Variants in AGBL4 observed in about 807,000 individuals in gnomAD.
AGBL4 encodes the protein AGBL carboxypeptidase 4.
AGBL4 carries 58 observed loss-of-function variants against 66.4 expected under a neutral mutation model. The ratio of observed to expected loss-of-function variants is 0.87; its 90% CI spans 0.71 to 1.09. The LOEUF is 1.09. AGBL4 is among the 50% of genes least tolerant of loss of function. The pLI, the probability that AGBL4 is intolerant of heterozygous loss-of-function variation, is 0.00. For synonymous variants in AGBL4, 234 were observed against 222.9 expected (o/e 1.05, Z -0.44); for missense variants, 579 against 631.0 (o/e 0.92, Z 0.88).
At chr1:49,978,669 C>A (rs1422202350) in intron 1 of AGBL4, among the ~76,000 whole-genome samples, 1 of 152,054 alleles carries the variant, frequency 6.6e-6, no homozygotes, top group African/African-American at 2.4e-5. Flanking sequence ...TACAAATGAA[C>A]ACACATATAC....
At chr1:49,850,610 G>T (rs373686023) in intron 2 of AGBL4, among the ~76,000 whole-genome samples, 1 of 152,146 alleles carries the variant, frequency 6.6e-6, no homozygotes, top group Admixed American at 6.5e-5. Flanking sequence ...CAATTGTTTG[G>T]TATAAACAAC....
At position 49,947,960 on chromosome 1, in the gene AGBL4, ATAAATATATATATT is replaced by A. The variant is rs1233096898; in HGVS notation, c.34+75789_34+75802del. On this transcript the variant is annotated intron_variant, in intron 1 of 13. Transcript: ENST00000371839. ...CTTTTGCAATAGCTGCAATATATAT[ATAAATATATATATT>A]TATAAATATATATTTATATATATAA... 1.2e-4 allele frequency among the ~76,000 whole-genome samples: 9 copies of A among 77,546 alleles called. No individual in the cohort carries two copies. In the East Asian group the frequency reaches 4.7e-3, roughly 40 times the overall value. 50.9% of individuals were successfully genotyped at this position (77,546 alleles called of 152,430 possible). A position where few individuals can be genotyped will look rare whatever the true frequency, so the allele number is the denominator to read the frequency against.
intron 3 of AGBL4, among the ~76,000 whole-genome samples, chr1:49,468,786 T>A (rs559999035): frequency 6.6e-6 from 1 of 151,914 alleles, no homozygotes; most frequent in African/African-American, 2.4e-5. Flanking sequence ...TTTGACTCCA[T>A]GAAAGTGCAT....
chr1:49,706,162 T>C (rs1261212798), intron 2 of AGBL4, among the ~76,000 whole-genome samples: 1 of 152,202 alleles, frequency 6.6e-6, no homozygotes, highest in African/African-American at 2.4e-5. Context: ...AATTCGGCTG[T>C]GAATCTGTCT....
At chr1:49,699,809 T>C (rs1318875411) in intron 2 of AGBL4, among the ~76,000 whole-genome samples, 1 of 151,904 alleles carries the variant, frequency 6.6e-6, no homozygotes, top group Admixed American at 6.6e-5. Context: ...TGACTAAACC[T>C]AGAGATCATG....
intron 5 of AGBL4, among the ~76,000 whole-genome samples, chr1:49,009,348 TA>T (rs1662171847): frequency 6.6e-6 from 1 of 151,998 alleles, no homozygotes; most frequent in Non-Finnish European, 1.5e-5. Context: ...AATCTCTGAA[TA>T]GACCAATAAC....
At chr1:48,714,871 G>A (rs1647024362) in intron 6 of AGBL4, among the ~76,000 whole-genome samples, 1 of 152,180 alleles carries the variant, frequency 6.6e-6, no homozygotes, top group Non-Finnish European at 1.5e-5. Context: ...TTTTTTAGTC[G>A]CTCATTCATC....
chr1:49,146,094 G>A (rs947045193), intron 4 of AGBL4, among the ~76,000 whole-genome samples: 6 of 152,146 alleles, frequency 3.9e-5, no homozygotes, highest in African/African-American at 1.4e-4. Context: ...ATCAGAAGAT[G>A]GGAAGAGTAG....
chr1:48,817,061 TA>T (rs1646197488), intron 6 of AGBL4, among the ~76,000 whole-genome samples: 1 of 152,200 alleles, frequency 6.6e-6, no homozygotes, highest in African/African-American at 2.4e-5. Flanking sequence ...CTAGGAACTG[TA>T]AATACTTGAG....
At chr1:48,921,420 A>G (rs960361572) in intron 5 of AGBL4, among the ~76,000 whole-genome samples, 3 of 152,210 alleles carry the variant, frequency 2.0e-5, no homozygotes, top group Non-Finnish European at 2.9e-5. Context: ...GACATATGCT[A>G]CAATAAAGCG....
At chr1:49,545,002 C>T (rs980216932) in intron 3 of AGBL4, among the ~76,000 whole-genome samples, 6 of 152,102 alleles carry the variant, frequency 3.9e-5, no homozygotes, top group African/African-American at 1.4e-4. Context: ...TCTAATATTC[C>T]TTGGTAGCAA....
At chr1:49,640,667 A>C (rs1645763143) in intron 3 of AGBL4, among the ~76,000 whole-genome samples, 2 of 152,130 alleles carry the variant, frequency 1.3e-5, no homozygotes, top group Non-Finnish European at 2.9e-5. Context: ...AATTTACTCC[A>C]GGGATTTGCC....
At chr1:48,552,884 G>GTA (rs527464286) in intron 11 of AGBL4, among the ~76,000 whole-genome samples, 55 of 151,944 alleles carry the variant, frequency 3.6e-4, no homozygotes, top group Non-Finnish European at 4.9e-4. Flanking sequence ...CATTAATCTA[G>GTA]TAAGACGGTT....
At chr1:48,964,389 T>C (rs984163763) in intron 5 of AGBL4, among the ~76,000 whole-genome samples, 4 of 152,216 alleles carry the variant, frequency 2.6e-5, no homozygotes, top group African/African-American at 7.2e-5. Context: ...CTCAAAATCA[T>C]AGTTATACCT....
rs144511089 is a variant in AGBL4 at position 48,889,519 on chromosome 1, T to C, written c.595-22289A>G. On this transcript the variant is annotated intron_variant, in intron 5 of 13. Coordinates refer to ENST00000371839, the MANE Select transcript of AGBL4 (RefSeq NM_032785.4). ...TGGATTAAAACTAAGAAAAATAAAT[T>C]GTACATAAGCTATGAGACTGTGCAA... is the stretch of plus-strand genomic sequence containing the variant. Among the ~76,000 whole-genome samples, 139 of 152,312 alleles carry C rather than the reference T, an allele frequency of 9.1e-4. 2 individuals carry two copies. In the East Asian group the frequency reaches 0.022, roughly 24 times the overall value.
chr1:49,283,192 T>C (rs2148408676), intron 3 of AGBL4, among the ~76,000 whole-genome samples: 1 of 152,206 alleles, frequency 6.6e-6, no homozygotes, highest in South Asian at 2.1e-4. Flanking sequence ...GCAGACTGCC[T>C]CCTCAAGTGG....
At chr1:49,116,751 G>A (rs1470139357) in intron 4 of AGBL4, among the ~76,000 whole-genome samples, 1 of 152,116 alleles carries the variant, frequency 6.6e-6, no homozygotes, top group African/African-American at 2.4e-5. Flanking sequence ...TGGGATTGCT[G>A]GGTCAAATGG....
intron 1 of AGBL4, among the ~76,000 whole-genome samples, chr1:50,008,232 A>C (rs932221867): frequency 6.6e-6 from 1 of 152,360 alleles, no homozygotes; most frequent in Middle Eastern, 3.4e-3. Context: ...TCTCCTTAGC[A>C]TATGCCTCAT....
intron 5 of AGBL4, among the ~76,000 whole-genome samples, chr1:48,913,111 T>G (rs1042763008): frequency 2.6e-5 from 4 of 151,910 alleles, no homozygotes; most frequent in African/African-American, 9.7e-5. Context: ...GTGAGATGAG[T>G]TGAAGATGTA....
Sources: gnomAD v4.1 joint callset for allele counts (sites outside exome capture counted in the v4.1 genomes callset) on GRCh38, gnomAD v4.1.1 for gene constraint, MANE v1.5 for transcripts, NCBI Gene and HGNC (gene_info 2026-07-23, HGNC 2026-07-21) for gene names.